Variants in IFNAR2 observed in about 807,000 individuals in gnomAD.
IFNAR2 encodes interferon alpha/beta receptor 2.
Under a neutral mutation model 49.4 loss-of-function variants are expected in IFNAR2, and 30 were observed. The observed-to-expected ratio is 0.61, with a 90% confidence interval of 0.45 to 0.82. IFNAR2 has a LOEUF of 0.82. Among genes scored for constraint, IFNAR2 ranks in the 40% least tolerant of loss-of-function variants. The pLI is 0.00. For synonymous variants in IFNAR2, 224 were observed against 234.5 expected, an observed-to-expected ratio of 0.96 and a Z score of 0.41; for missense variants, 600 against 622.7, an observed-to-expected ratio of 0.96 and a Z score of 0.39.
At chr21:33,245,580 C>T (rs980503924) in intron 4 of IFNAR2, among the ~76,000 whole-genome samples, 17 of 152,340 alleles carry the variant, frequency 1.1e-4, no homozygotes, top group African/African-American at 2.9e-4. Flanking sequence ...ACACTTGGCA[C>T]GGACCTCAGC....
intron 1 of IFNAR2, chr21:33,232,928 G>A: frequency 1.0e-6 from 1 of 981,280 alleles, no homozygotes; most frequent in South Asian, 4.7e-5. Context: ...GAAATGGTAA[G>A]GGGGAAAAAT....
intron 1 of IFNAR2, among the ~76,000 whole-genome samples, chr21:33,241,218 TTGAA>T (rs917180268): frequency 3.9e-5 from 6 of 152,240 alleles, no homozygotes; most frequent in African/African-American, 1.4e-4. Context: ...GTATCCTAAT[TTGAA>T]TGAGCTGTTT....
rs1988845598 is a variant in IFNAR2, at chr21:33,264,483, G to A, written c.*983G>A. Reference sequence around the variant, plus strand: ...GAAAGGAAACATGGCGTCGGGGAGAGGGATAAAACCTGAATGCCATATTTT... The same window carrying A: ...GAAAGGAAACATGGCGTCGGGGAGAAGGATAAAACCTGAATGCCATATTTT... On this transcript the variant is annotated 3_prime_UTR_variant, in exon 9 of 9. Transcript: ENST00000342136. 4 of 151,634 alleles carry A rather than the reference G, an allele frequency of 2.6e-5. No homozygotes were observed. Among genetic ancestry groups the A allele is most frequent in the East Asian group, 1.9e-4 (1 of 5,170 alleles). 9.4% of individuals were successfully genotyped at this position (151,634 alleles called of 1,614,324 possible).
Position 33,233,995 on chromosome 21 carries a change from G to T in IFNAR2, c.-84+3779G>T, listed in dbSNP as rs536291812. ...TTTCAAAGAATGGAATAGTAAATATGGTATAAAATTAAAAGATGCTATGTG... is the reference window on the plus strand; with the variant it reads ...TTTCAAAGAATGGAATAGTAAATATTGTATAAAATTAAAAGATGCTATGTG... On this transcript the variant is annotated intron_variant, in intron 1 of 8. Coordinates refer to ENST00000342136, the MANE Select transcript of IFNAR2 (RefSeq NM_001289125.3). Among the ~76,000 whole-genome samples, 5 of 151,628 alleles carry T rather than the reference G, an allele frequency of 3.3e-5. No homozygotes were observed. The South Asian group carries it at 1.0e-3, about 32-fold the overall frequency.
At position 33,263,479 on chromosome 21, in the gene IFNAR2, G is replaced by T; in HGVS notation, c.1527G>T (p.Gly509=). 2 of 1,611,716 alleles carry T rather than the reference G, an allele frequency of 1.2e-6. No individual in the cohort carries two copies. Among genetic ancestry groups the T allele is most frequent in the Non-Finnish European group, 1.7e-6 (2 of 1,178,980 alleles). ...SDTSESDVDL[G]DGYIMR is the part of the protein sequence containing the mutation. ...CTTCTGAGTCAGATGTTGACCTTGG[G>T]GATGGTTATATAATGAGATGACTCC... The change falls in exon 9 of 9, where the codon GGG becomes GGT. Residue 509 remains glycine, a synonymous_variant. Coordinates refer to ENST00000342136, the MANE Select transcript of IFNAR2 (RefSeq NM_001289125.3).
At position 33,263,238 on chromosome 21, in the gene IFNAR2, CTG is replaced by C. The variant is rs778400848; in HGVS notation, c.1290_1291del (p.Leu432GlufsTer4). The C allele has an allele frequency of 6.2e-7, 1 of 1,614,204 alleles. No homozygotes were observed. Among genetic ancestry groups the C allele is most frequent in the Non-Finnish European group, 8.5e-7 (1 of 1,180,042 alleles). ...ATTACCTTCAATGTGGACTTAAACT[CTG>C]TGTTTTTGAGAGTTCTTGATGACGA... is the stretch of plus-strand genomic sequence containing the variant. On this transcript the variant is annotated frameshift_variant, in exon 9 of 9. Transcript: ENST00000342136. LOFTEE classifies it high-confidence loss of function.
chr21:33,236,219 G>C (rs1986439857), intron 1 of IFNAR2, among the ~76,000 whole-genome samples: 1 of 152,140 alleles, frequency 6.6e-6, no homozygotes, highest in Admixed American at 6.5e-5. Context: ...TACCGAGGGA[G>C]CCAGAGCAGA....
chr21:33,255,666 A>G (rs1860704210), intron 7 of IFNAR2, among the ~76,000 whole-genome samples: 2 of 152,138 alleles, frequency 1.3e-5, no homozygotes, highest in Admixed American at 1.3e-4. Flanking sequence ...TGGTGTTCAC[A>G]GTTTGTATTG....
chr21:33,235,917 ACT>A (rs1335031012), intron 1 of IFNAR2, among the ~76,000 whole-genome samples: 1 of 152,036 alleles, frequency 6.6e-6, no homozygotes, highest in East Asian at 1.9e-4. Flanking sequence ...ACAGAGTGAG[ACT>A]CTGTCTCAAA....
At chr21:33,246,651 G>T in intron 4 of IFNAR2, 67 bp from the exon 5 acceptor site, 1 of 1,244,700 alleles carries the variant, frequency 8.0e-7, no homozygotes, top group Non-Finnish European at 1.1e-6. Context: ...GAAGTAAGGC[G>T]CCCAAAAATA....
chr21:33,254,285 G>C (rs1157139894), intron 7 of IFNAR2, among the ~76,000 whole-genome samples: 2 of 152,078 alleles, frequency 1.3e-5, no homozygotes, highest in African/African-American at 4.8e-5. Flanking sequence ...AGGCACAGCT[G>C]GCCAGCACTA....
At chr21:33,256,615 C>G (rs1035986281) in intron 7 of IFNAR2, among the ~76,000 whole-genome samples, 1 of 152,184 alleles carries the variant, frequency 6.6e-6, no homozygotes, top group African/African-American at 2.4e-5. Flanking sequence ...ACACCTTCCC[C>G]TTGTCAAGCC....
intron 7 of IFNAR2, among the ~76,000 whole-genome samples, chr21:33,255,762 G>T (rs1302137593): frequency 6.6e-6 from 1 of 152,192 alleles, no homozygotes; most frequent in African/African-American, 2.4e-5. Flanking sequence ...TTGGATAGAG[G>T]TCAAATGGGG....
intron 6 of IFNAR2, among the ~76,000 whole-genome samples, 176 bp downstream of exon 6, chr21:33,249,030 G>T (rs1301984008): frequency 6.6e-6 from 1 of 152,198 alleles, no homozygotes; most frequent in African/African-American, 2.4e-5. Context: ...ATCTAAACCT[G>T]CAGCACAGTG....
At position 33,262,772 on chromosome 21, in the gene IFNAR2, CTCTT is replaced by C. The variant is rs768340440; in HGVS notation, c.841-19_841-16del. 2.6e-5 allele frequency: 41 copies of C among 1,554,304 alleles called. No homozygotes were observed. Among genetic ancestry groups the C allele is most frequent in the African/African-American group, 5.8e-5 (4 of 68,976 alleles). On this transcript the variant is annotated splice_polypyrimidine_tract_variant and intron_variant, in intron 8 of 8. Transcript: ENST00000342136. The stretch of plus-strand genomic sequence containing the variant: ...AGTACAGCTGATACGGACTCTCTCT[CTCTT>C]TTTTTTTTTTTTTAAGAATTTTCAT...
intron 1 of IFNAR2, among the ~76,000 whole-genome samples, chr21:33,240,244 G>T (rs565556623): frequency 2.4e-4 from 37 of 152,288 alleles, no homozygotes; most frequent in Middle Eastern, 3.4e-3. Flanking sequence ...TATTTCTACT[G>T]TACCTTTTCT....
At chr21:33,232,878 A>T in intron 1 of IFNAR2, 1 of 445,888 alleles carries the variant, frequency 2.2e-6, no homozygotes, top group Non-Finnish European at 3.0e-6. Context: ...CCATATCAGT[A>T]GGAGGTACTA....
chr21:33,246,966 G>C, intron 5 of IFNAR2, 76 bp downstream of exon 5: 1 of 1,276,892 alleles, frequency 7.8e-7, no homozygotes, highest in East Asian at 2.5e-5. Context: ...TGAAATAGGA[G>C]GTCTACAAAG....
In IFNAR2 at chr21:33,243,686, C is replaced by T. The variant is rs200546356; in HGVS notation, c.69C>T (p.Leu23=). The change falls in exon 3 of 9, where the codon CTC becomes CTT. Residue 23 remains leucine, a synonymous_variant. Transcript: ENST00000342136. The part of the protein sequence containing the change: ...LNLVLMVYIS[L]VFGISYDSPD... ...TCTTCCTTCTAGTGTATATCAGCCT[C>T]GTGTTTGGTATTTCATATGATTCGC... 34 of 1,613,242 alleles carry T rather than the reference C, an allele frequency of 2.1e-5. 1 individual carries two copies. The highest frequency in any genetic ancestry group is 1.3e-4 in the South Asian group (12 of 91,066).
Sources: allele counts gnomAD v4.1 joint callset (sites outside exome capture counted in the v4.1 genomes callset), GRCh38; gene constraint gnomAD v4.1.1; transcripts MANE v1.5; gene names NCBI Gene and HGNC (gene_info 2026-07-23, HGNC 2026-07-21).